INSR: variants seen among roughly 807,000 people sequenced by gnomAD.
The protein encoded by INSR is IR.
In INSR, 67 loss-of-function variants were observed where a neutral mutation model predicts 142.6. That is an observed-to-expected ratio of 0.47 (90% CI 0.39 to 0.58). The LOEUF is 0.58. Ranked by LOEUF, INSR falls within the 20% of genes least tolerant of loss-of-function variation. INSR has a pLI of 0.00. For synonymous variants in INSR, 756 were observed against 743.1 expected (o/e 1.02, Z -0.28); for missense variants, 1,248 against 1,833.2 (o/e 0.68, Z 5.83).
rs572110992 is a variant in INSR at position 7,218,564 on chromosome 19, G to A, written c.653-33927C>T. Among the ~76,000 whole-genome samples, 32 of 151,968 alleles carry A rather than the reference G, an allele frequency of 2.1e-4. 2 individuals are homozygous for A. In the South Asian group the frequency reaches 5.8e-3, roughly 28 times the overall value. On this transcript the variant is annotated intron_variant, in intron 2 of 21. Transcript: ENST00000302850. ...GTTTGTTTCTTTGTTTTTATGAAAC[G>A]AAGTCTCGCTCTGTTGCCCAGGCTG...
At chr19:7,248,323 A>T (rs897990121) in intron 2 of INSR, among the ~76,000 whole-genome samples, 7 of 142,724 alleles carry the variant, frequency 4.9e-5, no homozygotes, top group Non-Finnish European at 1.0e-4. Flanking sequence ...TTTTGCAAAA[A>T]TATTTTTTAA....
intron 1 of INSR, among the ~76,000 whole-genome samples, chr19:7,281,754 T>C (rs1968209009): frequency 6.6e-6 from 1 of 152,216 alleles, no homozygotes; most frequent in Non-Finnish European, 1.5e-5. Flanking sequence ...AGTCCCTTCC[T>C]GTCTGACTAC....
At chr19:7,287,576 TC>T (rs1289394700) in intron 1 of INSR, among the ~76,000 whole-genome samples, 1 of 152,066 alleles carries the variant, frequency 6.6e-6, no homozygotes, top group Non-Finnish European at 1.5e-5. Flanking sequence ...GAGCATGAAA[TC>T]CTCATTCAAT....
chr19:7,227,325 T>G (rs1975819074), intron 2 of INSR, among the ~76,000 whole-genome samples: 1 of 151,590 alleles, frequency 6.6e-6, no homozygotes. Context: ...CAGGCTGGAG[T>G]GCAGTGGCGT....
At chr19:7,179,057 T>C (rs1402976374) in intron 3 of INSR, among the ~76,000 whole-genome samples, 1 of 152,254 alleles carries the variant, frequency 6.6e-6, no homozygotes, top group African/African-American at 2.4e-5. Context: ...ACTACAGGCA[T>C]GCACCCCCTC....
At chr19:7,174,853 G>A in intron 3 of INSR, 122 bp from the exon 4 acceptor site, 1 of 1,019,030 alleles carries the variant, frequency 9.8e-7, no homozygotes, top group Non-Finnish European at 1.4e-6. Flanking sequence ...GTGTGTGTGT[G>A]TGTTTGTGTG....
At chr19:7,237,082 G>A (rs1490029364) in intron 2 of INSR, among the ~76,000 whole-genome samples, 1 of 151,432 alleles carries the variant, frequency 6.6e-6, no homozygotes, top group African/African-American at 2.4e-5. Context: ...GAAAGGATAG[G>A]AAGTGAGTGA....
chr19:7,292,368 G>T (rs1467066486), intron 1 of INSR, among the ~76,000 whole-genome samples: 1 of 150,642 alleles, frequency 6.6e-6, no homozygotes, highest in Non-Finnish European at 1.5e-5. Context: ...GAGATTACAG[G>T]CTTGAGCCAC....
intron 2 of INSR, among the ~76,000 whole-genome samples, chr19:7,188,749 CTA>C (rs1974499300): frequency 6.6e-6 from 1 of 151,588 alleles, no homozygotes; most frequent in Admixed American, 6.6e-5. Flanking sequence ...TGGTGCTTGC[CTA>C]TAATCCCAGC....
chr19:7,121,647 T>C (rs930335318), intron 19 of INSR, among the ~76,000 whole-genome samples: 1 of 151,502 alleles, frequency 6.6e-6, no homozygotes, highest in African/African-American at 2.4e-5. Flanking sequence ...AAAAATCTTT[T>C]CAAGGAGATG....
chr19:7,257,296 CT>C (rs1171670562), intron 2 of INSR, among the ~76,000 whole-genome samples: 1 of 152,068 alleles, frequency 6.6e-6, no homozygotes, highest in Non-Finnish European at 1.5e-5. Context: ...AGGCGTTACA[CT>C]TTCCTGTCTT....
intron 15 of INSR, among the ~76,000 whole-genome samples, chr19:7,127,060 G>A (rs1158280731): frequency 2.0e-5 from 3 of 152,070 alleles, no homozygotes; most frequent in Admixed American, 2.0e-4. Context: ...CACCACACCT[G>A]GCTAATTTGT....
intron 1 of INSR, among the ~76,000 whole-genome samples, chr19:7,275,633 C>T (rs1468139329): frequency 6.6e-6 from 1 of 151,688 alleles, no homozygotes; most frequent in Non-Finnish European, 1.5e-5. Flanking sequence ...AAATACAAAA[C>T]TTAGCGGGGT....
At chr19:7,235,363 C>T (rs1474387947) in intron 2 of INSR, among the ~76,000 whole-genome samples, 2 of 152,122 alleles carry the variant, frequency 1.3e-5, no homozygotes, top group African/African-American at 4.8e-5. Context: ...AGATGAATAA[C>T]CACCCTAAAA....
chr19:7,256,584 G>GT (rs1976899998), intron 2 of INSR, among the ~76,000 whole-genome samples: 1 of 152,038 alleles, frequency 6.6e-6, no homozygotes, highest in African/African-American at 2.4e-5. Flanking sequence ...GGGTAACGTG[G>GT]TGAAACCCCA....
At chr19:7,202,230 A>G (rs1263506927) in intron 2 of INSR, among the ~76,000 whole-genome samples, 1 of 152,132 alleles carries the variant, frequency 6.6e-6, no homozygotes, top group East Asian at 1.9e-4. Context: ...CATCTCTCTA[A>G]AAGATCCAGC....
At chr19:7,176,364 G>A (rs975600360) in intron 3 of INSR, among the ~76,000 whole-genome samples, 66 of 152,352 alleles carry the variant, frequency 4.3e-4, no homozygotes, top group East Asian at 3.9e-4. Flanking sequence ...ACTTTGGGAG[G>A]CCAAGGCGAG....
chr19:7,249,731 G>A (rs953617991), intron 2 of INSR, among the ~76,000 whole-genome samples: 8 of 152,238 alleles, frequency 5.3e-5, no homozygotes, highest in South Asian at 4.1e-4. Context: ...GGTGGCTCAC[G>A]CCTGTAATCC....
rs973477435 is a variant in INSR, at chr19:7,113,872, G to A, written c.*3184C>T. ...CCCAGCACACCCTACCTTTCTCCAG[G>A]GCAGGTGGAGAAAGGTGAGTCTGCA... On this transcript the variant is annotated 3_prime_UTR_variant, in exon 22 of 22. Coordinates refer to ENST00000302850, the MANE Select transcript of INSR (RefSeq NM_000208.4). 4.6e-5 allele frequency: 7 copies of A among 151,936 alleles called. No homozygotes were observed. The highest frequency in any genetic ancestry group is 1.7e-4 in the African/African-American group (7 of 41,350). 9.4% of individuals were successfully genotyped at this position (151,936 alleles called of 1,614,324 possible).
Sources: gnomAD v4.1 joint callset for allele counts (sites outside exome capture counted in the v4.1 genomes callset) on GRCh38, gnomAD v4.1.1 for gene constraint, MANE v1.5 for transcripts, NCBI Gene and HGNC (gene_info 2026-07-23, HGNC 2026-07-21) for gene names.